The following KCNU1 variants were observed in gnomAD, a reference collection of about 807,000 sequenced individuals.
KCNU1 encodes potassium channel subfamily U member 1.
KCNU1 carries 93 observed loss-of-function variants against 126.8 expected under a neutral mutation model. The ratio of observed to expected loss-of-function variants is 0.73; its 90% CI spans 0.62 to 0.87. The LOEUF (loss-of-function observed/expected upper bound fraction) is 0.87. Among genes scored for constraint, KCNU1 ranks in the 40% least tolerant of loss-of-function variants. KCNU1 has a pLI of 0.00. For missense variants in KCNU1, 1,330 were observed against 1,367.1 expected (o/e 0.97, Z 0.43); for synonymous variants, 523 against 494.2 (o/e 1.06, Z -0.77).
chr8:36,898,241 C>T lies in KCNU1; in HGVS notation c.2010-7467C>T, dbSNP rs117065381. On this transcript the variant is annotated intron_variant, in intron 19 of 26. Coordinates refer to ENST00000399881, the MANE Select transcript of KCNU1 (RefSeq NM_001031836.3). The stretch of plus-strand genomic sequence containing the variant: ...GAAAAGACATTAAAATATTCATATA[C>T]CCTGCAATTATTTTAATTTCCTCTG... Among the ~76,000 whole-genome samples, 876 of 152,138 alleles carry T rather than the reference C, an allele frequency of 5.8e-3. 10 individuals carry two copies. Among genetic ancestry groups the T allele is most frequent in the South Asian group, 0.051 (247 of 4,824 alleles).
intron 24 of KCNU1, among the ~76,000 whole-genome samples, chr8:36,923,298 G>T (rs1341101981): frequency 6.6e-6 from 1 of 152,168 alleles, no homozygotes; most frequent in Non-Finnish European, 1.5e-5. Context: ...TTATCCACAT[G>T]GGGCCTGCTG....
chr8:36,788,006 A>G (rs920714792), intron 2 of KCNU1, among the ~76,000 whole-genome samples: 1 of 151,922 alleles, frequency 6.6e-6, no homozygotes, highest in Non-Finnish European at 1.5e-5. Context: ...GGGTGTGCAC[A>G]TAGATATTTT....
chr8:36,906,376 A>G (rs749248605), intron 20 of KCNU1, among the ~76,000 whole-genome samples: 1 of 152,072 alleles, frequency 6.6e-6, no homozygotes, highest in African/African-American at 2.4e-5. Flanking sequence ...CTCTCTTCTC[A>G]AAGAGACAAA....
At chr8:36,920,554 G>A (rs1165252690) in intron 23 of KCNU1, among the ~76,000 whole-genome samples, 9 of 148,848 alleles carry the variant, frequency 6.0e-5, no homozygotes, top group Admixed American at 6.0e-4. Context: ...GGTTCTTGTT[G>A]TCTGGCTGGC....
At chr8:36,839,486 G>A (rs1268598900) in intron 14 of KCNU1, among the ~76,000 whole-genome samples, 1 of 152,208 alleles carries the variant, frequency 6.6e-6, no homozygotes, top group Non-Finnish European at 1.5e-5. Context: ...AGGACTTTAA[G>A]AAAGTGGGAA....
rs1563338616 is a variant in KCNU1 at position 36,922,621 on chromosome 8, C to T, written c.2728C>T (p.Leu910=). The change falls in exon 24 of 27, where the codon CTG becomes TTG. Residue 910 remains leucine (L), a synonymous_variant. Transcript: ENST00000399881. ...TTCCGGCAGCTTCTTGGATTCTCTG[C>T]TGGCCACGGTAAGAAAAGCTAAGCC... ...VFSGSFLDSL[L]ATAFYNYHVL... is the part of the protein sequence containing the mutation. 2.5e-6 allele frequency: 4 copies of T among 1,612,900 alleles called. No individual in the cohort carries two copies. In the East Asian group the frequency reaches 6.7e-5, roughly 27 times the overall value.
chr8:36,925,394 A>G (rs1808500133), intron 24 of KCNU1, among the ~76,000 whole-genome samples: 1 of 152,182 alleles, frequency 6.6e-6, no homozygotes, highest in African/African-American at 2.4e-5. Context: ...TTGAACCTCT[A>G]AATCTCTACC....
At chr8:36,849,803 G>C (rs1233294459) in intron 18 of KCNU1, among the ~76,000 whole-genome samples, 2 of 152,062 alleles carry the variant, frequency 1.3e-5, no homozygotes, top group African/African-American at 4.8e-5. Flanking sequence ...ACAAATATCT[G>C]TTCAAGTTCC....
intron 10 of KCNU1, among the ~76,000 whole-genome samples, chr8:36,820,352 G>A (rs1265644015): frequency 6.6e-6 from 1 of 152,104 alleles, no homozygotes; most frequent in Non-Finnish European, 1.5e-5. Flanking sequence ...CCTTTTCCTT[G>A]GAACTGGTGG....
At chr8:36,802,336 A>G (rs987100253) in intron 2 of KCNU1, among the ~76,000 whole-genome samples, 1 of 152,146 alleles carries the variant, frequency 6.6e-6, no homozygotes, top group Admixed American at 6.5e-5. Context: ...AGGAAGCTGA[A>G]TAGGGACCAC....
intron 22 of KCNU1, among the ~76,000 whole-genome samples, 195 bp from the exon 23 acceptor site, chr8:36,918,628 C>G (rs998731577): frequency 2.6e-5 from 4 of 151,822 alleles, no homozygotes; most frequent in Non-Finnish European, 5.9e-5. Context: ...ACTCCCCTCC[C>G]CACATTTATC....
chr8:36,845,619 T>C lies in KCNU1; in HGVS notation c.1743T>C (p.Arg581=). ...ILNPPPQVRI[R]KNTLGFFIAE... is the part of the protein sequence containing the mutation. ...ATCCACCTCCACAAGTGAGGATACG[T>C]AAGAACACATTAGGGTTCTTTATTG... Residue 581 remains arginine (R), a synonymous_variant, in exon 17 of 27, where the codon CGT becomes CGC. Coordinates refer to ENST00000399881, the MANE Select transcript of KCNU1 (RefSeq NM_001031836.3). 1 of 1,610,852 alleles carries C rather than the reference T, an allele frequency of 6.2e-7. No individual in the cohort carries two copies. The highest frequency in any genetic ancestry group is 8.5e-7 in the Non-Finnish European group (1 of 1,177,098).
chr8:36,815,868 C>T (rs1803891867), intron 9 of KCNU1, among the ~76,000 whole-genome samples, 181 bp downstream of exon 9: 1 of 152,178 alleles, frequency 6.6e-6, no homozygotes, highest in Non-Finnish European at 1.5e-5. Context: ...ATATTTGCTA[C>T]TTGACCCAAA....
chr8:36,788,384 A>C (rs1210961888), intron 2 of KCNU1, among the ~76,000 whole-genome samples: 2 of 152,214 alleles, frequency 1.3e-5, no homozygotes, highest in Admixed American at 1.3e-4. Context: ...AGGAAATAGC[A>C]GATGCCCTAT....
intron 22 of KCNU1, among the ~76,000 whole-genome samples, chr8:36,914,860 C>T (rs140204101): frequency 1.3e-5 from 2 of 152,258 alleles, no homozygotes; most frequent in African/African-American, 4.8e-5. Context: ...TACAATTAAG[C>T]AATCTTTTGT....
chr8:36,838,234 G>A (rs1804825665), intron 14 of KCNU1, among the ~76,000 whole-genome samples: 1 of 152,172 alleles, frequency 6.6e-6, no homozygotes, highest in South Asian at 2.1e-4. Context: ...TTAGAAAGTG[G>A]CAGAGAACTT....
At chr8:36,890,490 C>T (rs1806917179) in intron 19 of KCNU1, among the ~76,000 whole-genome samples, 2 of 151,422 alleles carry the variant, frequency 1.3e-5, no homozygotes, top group Admixed American at 6.6e-5. Flanking sequence ...AGGTCAACTC[C>T]TAATTTAAAA....
At chr8:36,879,728 G>C (rs1806405280) in intron 19 of KCNU1, among the ~76,000 whole-genome samples, 1 of 152,150 alleles carries the variant, frequency 6.6e-6, no homozygotes, top group African/African-American at 2.4e-5. Flanking sequence ...AACCTGATTG[G>C]CTTTCCCTCA....
intron 22 of KCNU1, among the ~76,000 whole-genome samples, 171 bp downstream of exon 22, chr8:36,911,290 C>A (rs1019830060): frequency 3.3e-5 from 5 of 152,120 alleles, no homozygotes; most frequent in Non-Finnish European, 5.9e-5. Flanking sequence ...CAGTTCAGTG[C>A]CCTGGAATTC....
Sources: allele counts gnomAD v4.1 joint callset (sites outside exome capture counted in the v4.1 genomes callset), GRCh38; gene constraint gnomAD v4.1.1; transcripts MANE v1.5; gene names NCBI Gene and HGNC (gene_info 2026-07-23, HGNC 2026-07-21).